Variants in TBC1D1 observed in about 807,000 individuals in gnomAD.
TBC1D1 encodes the protein TBC1 domain family member 1.
Under a neutral mutation model 125.6 loss-of-function variants are expected in TBC1D1, and 89 were observed. That is an observed-to-expected ratio of 0.71 (90% CI 0.60 to 0.85). The LOEUF is 0.85. Among genes scored for constraint, TBC1D1 ranks in the 40% least tolerant of loss-of-function variants. TBC1D1 has a pLI of 0.00. For missense variants in TBC1D1, 1,377 were observed against 1,469.2 expected (o/e 0.94, Z 1.03); for synonymous variants, 565 against 564.1 (o/e 1.00, Z -0.02).
intron 2 of TBC1D1, among the ~76,000 whole-genome samples, chr4:38,004,745 T>G (rs1739757012): frequency 6.6e-6 from 1 of 152,242 alleles, no homozygotes. Flanking sequence ...CTGTAGATGT[T>G]TCCAGGGATT....
At chr4:38,011,543 A>G (rs1741507132) in intron 2 of TBC1D1, among the ~76,000 whole-genome samples, 2 of 152,154 alleles carry the variant, frequency 1.3e-5, no homozygotes, top group Admixed American at 1.3e-4. Context: ...TGTTGAAACT[A>G]TATTTGGCAA....
At position 38,018,462 on chromosome 4, in the gene TBC1D1, T is replaced by G. The variant is rs772206372; in HGVS notation, c.972+19T>G. ...CTCTCAGGTAAATGGAGATGGGTTT[T>G]TTTATTCAATTGCAATGGAATTTTT... On this transcript the variant is annotated intron_variant, in intron 4 of 19. Transcript: ENST00000261439. The G allele has an allele frequency of 6.3e-6, 9 of 1,425,906 alleles. No homozygotes were observed. The African/African-American group carries it at 1.2e-4, about 18-fold the overall frequency. 88.3% of individuals were successfully genotyped at this position (1,425,906 alleles called of 1,614,324 possible). A position where few individuals can be genotyped will look rare whatever the true frequency, so the allele number is the denominator to read the frequency against.
rs751259837 is a variant in TBC1D1 at position 38,137,242 on chromosome 4, C to G, written c.3414C>G (p.Ala1138=). ...TTACCTTAGAACTGGAGCGGTCGGC[C>G]CTGCTGCAGACGGTGGAGGAGCTGC... Residue 1138 remains alanine, a synonymous_variant, in exon 20 of 20, where the codon GCC becomes GCG. Transcript: ENST00000261439. 4 of 1,612,318 alleles carry G rather than the reference C, an allele frequency of 2.5e-6. No individual in the cohort carries two copies. In the South Asian group the frequency reaches 4.4e-5, roughly 18 times the overall value.
At chr4:38,081,293 G>C (rs1756507234) in intron 12 of TBC1D1, among the ~76,000 whole-genome samples, 1 of 152,136 alleles carries the variant, frequency 6.6e-6, no homozygotes. Flanking sequence ...CTCGGGGCAG[G>C]TGCAGCAGGA....
intron 17 of TBC1D1, among the ~76,000 whole-genome samples, chr4:38,119,738 A>G: frequency 6.6e-6 from 1 of 152,208 alleles, no homozygotes; most frequent in East Asian, 1.9e-4. Context: ...AGGGTCATGA[A>G]GAGGAGTGAG....
At chr4:38,001,658 A>G (rs1196734386) in intron 2 of TBC1D1, among the ~76,000 whole-genome samples, 1 of 152,228 alleles carries the variant, frequency 6.6e-6, no homozygotes, top group Non-Finnish European at 1.5e-5. Flanking sequence ...CTAATTCCTT[A>G]TTATAAGGCA....
At chr4:37,953,167 A>T (rs1728237058) in intron 2 of TBC1D1, among the ~76,000 whole-genome samples, 1 of 152,240 alleles carries the variant, frequency 6.6e-6, no homozygotes, top group Admixed American at 6.5e-5. Flanking sequence ...ATGAATGCTA[A>T]ATTTTGGAAT....
In TBC1D1 at chr4:38,014,904, C is replaced by T. The variant is rs145326826; in HGVS notation, c.813C>T (p.Asn271=). 431 of 1,600,528 alleles carry T rather than the reference C, an allele frequency of 2.7e-4. 3 individuals are homozygous for T. Among genetic ancestry groups the T allele is most frequent in the Middle Eastern group, 2.5e-3 (15 of 6,016 alleles). The change falls in exon 3 of 20, where the codon AAC becomes AAT. Residue 271 remains asparagine (N), a synonymous_variant. Coordinates refer to ENST00000261439, the MANE Select transcript of TBC1D1 (RefSeq NM_015173.4). The surrounding 1 kb of genome is among the most constrained non-coding windows in gnomAD (Gnocchi z 5.1). Reference sequence around the variant, plus strand: ...CCTTCGAGGAGAGCGACATTGAGAACCACCTCATTAGCGGACACAATATTG... The same window carrying T: ...CCTTCGAGGAGAGCGACATTGAGAATCACCTCATTAGCGGACACAATATTG...
intron 2 of TBC1D1, among the ~76,000 whole-genome samples, chr4:37,988,651 C>T (rs2152383298): frequency 6.6e-6 from 1 of 152,220 alleles, no homozygotes. Context: ...ACATGAAGCC[C>T]ACTATAGGTG....
Position 38,118,131 on chromosome 4 carries a change from C to A in TBC1D1, c.2901C>A (p.Ala967=), listed in dbSNP as rs757951684. The A allele has an allele frequency of 8.1e-6, 13 of 1,614,058 alleles. No homozygotes were observed. Among genetic ancestry groups the A allele is most frequent in the Non-Finnish European group, 1.1e-5 (13 of 1,180,048 alleles). Residue 967 remains alanine, a synonymous_variant, in exon 17 of 20, where the codon GCC becomes GCA. Transcript: ENST00000261439. ...AGATCGGCCCCAGCCTCTACGCTGC[C>A]CCCTGGTTCCTCACCATGTTTGCCT... is the stretch of plus-strand genomic sequence containing the variant.
At chr4:37,989,266 C>A (rs1287079198) in intron 2 of TBC1D1, among the ~76,000 whole-genome samples, 1 of 152,228 alleles carries the variant, frequency 6.6e-6, no homozygotes, top group Non-Finnish European at 1.5e-5. Flanking sequence ...AACCTACACA[C>A]TTATTTCTAT....
chr4:38,107,765 C>A (rs1219046212), intron 15 of TBC1D1, among the ~76,000 whole-genome samples: 1 of 151,982 alleles, frequency 6.6e-6, no homozygotes, highest in Admixed American at 6.6e-5. Flanking sequence ...GATGAATGAG[C>A]CCTTAAGAGC....
intron 12 of TBC1D1, among the ~76,000 whole-genome samples, chr4:38,065,736 C>T (rs1753613701): frequency 6.6e-6 from 1 of 150,484 alleles, no homozygotes; most frequent in Non-Finnish European, 1.5e-5. Context: ...ACCTCTACCT[C>T]CCAGGTTCAA....
At position 38,049,842 on chromosome 4, in the gene TBC1D1, G is replaced by T; in HGVS notation, c.1854G>T (p.Ser618=). The change falls in exon 11 of 20, where the codon TCG becomes TCT. Residue 618 remains serine (S), a synonymous_variant. Transcript: ENST00000261439. ...CTGCCCGGGGGTCCCCGGGGGTTTC[G>T]CAAAGGAAACTTATGAGGTATCACT... 6.2e-7 allele frequency: 1 copy of T among 1,614,072 alleles called. No individual in the cohort carries two copies. The highest frequency in any genetic ancestry group is 8.5e-7 in the Non-Finnish European group (1 of 1,180,008).
intron 10 of TBC1D1, among the ~76,000 whole-genome samples, chr4:38,048,873 T>G (rs1749961106): frequency 6.6e-6 from 1 of 152,236 alleles, no homozygotes; most frequent in Non-Finnish European, 1.5e-5. Context: ...CTTTAAAATA[T>G]TGTCATGATT....
intron 2 of TBC1D1, among the ~76,000 whole-genome samples, chr4:37,979,222 A>C (rs1249142906): frequency 1.3e-5 from 2 of 152,232 alleles, no homozygotes; most frequent in African/African-American, 4.8e-5. Context: ...AAAAACTATT[A>C]AATGTTTTTG....
At chr4:37,914,414 C>T (rs1049732158) in intron 2 of TBC1D1, among the ~76,000 whole-genome samples, 3 of 152,172 alleles carry the variant, frequency 2.0e-5, no homozygotes, top group Non-Finnish European at 2.9e-5. Flanking sequence ...GAGTCGTCTT[C>T]GATTTCTCTT....
chr4:38,032,533 C>T (rs1001136023), intron 7 of TBC1D1, among the ~76,000 whole-genome samples: 3 of 152,060 alleles, frequency 2.0e-5, no homozygotes, highest in Non-Finnish European at 4.4e-5. Context: ...AGTTAAATCA[C>T]CTTTAAGAAA....
chr4:38,136,051 G>T (rs148283424), intron 19 of TBC1D1, among the ~76,000 whole-genome samples: 40 of 152,016 alleles, frequency 2.6e-4, no homozygotes, highest in African/African-American at 9.2e-4. Context: ...AGCACTCCAG[G>T]ATGCAGCTGT....
Sources: allele counts gnomAD v4.1 joint callset (sites outside exome capture counted in the v4.1 genomes callset), GRCh38; gene constraint gnomAD v4.1.1; non-coding constraint Gnocchi (gnomAD v3.1); transcripts MANE v1.5; gene names NCBI Gene and HGNC (gene_info 2026-07-23, HGNC 2026-07-21).